The following DGKB variants were observed in gnomAD, a reference collection of about 807,000 sequenced individuals.
DGKB encodes the protein diacylglycerol kinase beta.
In DGKB, 67 loss-of-function variants were observed where a neutral mutation model predicts 114.3. That is an observed-to-expected ratio of 0.59 (90% CI 0.48 to 0.72). The LOEUF (loss-of-function observed/expected upper bound fraction) is 0.72, where lower values mean the gene tolerates loss of function less well. DGKB is among the 30% of genes least tolerant of loss of function. DGKB has a pLI of 0.00. For missense variants in DGKB, 907 were observed against 975.2 expected (o/e 0.93, Z 0.93); for synonymous variants, 398 against 323.1 (o/e 1.23, Z -2.49).
At chr7:14,445,589 T>A (rs900720801) in intron 21 of DGKB, among the ~76,000 whole-genome samples, 1 of 151,982 alleles carries the variant, frequency 6.6e-6, no homozygotes, top group African/African-American at 2.4e-5. Context: ...GTAAAATGCA[T>A]AATCTGAAGT....
intron 23 of DGKB, among the ~76,000 whole-genome samples, chr7:14,208,885 G>T (rs1440900669): frequency 3.4e-5 from 5 of 145,930 alleles, no homozygotes; most frequent in South Asian, 4.4e-4. Context: ...GAAATAGCTA[G>T]TTTTTTTTTT....
intron 13 of DGKB, among the ~76,000 whole-genome samples, chr7:14,635,460 TCTCTC>T (rs1008715802): frequency 6.6e-6 from 1 of 151,298 alleles, no homozygotes; most frequent in Non-Finnish European, 1.5e-5. Context: ...AACAAAATTC[TCTCTC>T]TGTTGTTTTC....
At position 14,435,818 on chromosome 7, in the gene DGKB, G is replaced by A. The variant is rs575929477; in HGVS notation, c.1835+42343C>T. 9.5e-4 allele frequency among the ~76,000 whole-genome samples: 144 copies of A among 152,148 alleles called. 1 individual carries two copies. Among genetic ancestry groups the A allele is most frequent in the African/African-American group, 3.2e-3 (133 of 41,532 alleles). ...TATTATAAATTATGTTAGAAAGCAAGTTTATTATTTACAAAACTATTTTTG... is the reference window on the plus strand; with the variant it reads ...TATTATAAATTATGTTAGAAAGCAAATTTATTATTTACAAAACTATTTTTG... On this transcript the variant is annotated intron_variant, in intron 21 of 25. Coordinates refer to ENST00000402815, the MANE Select transcript of DGKB (RefSeq NM_001350709.2).
At chr7:14,591,738 G>C (rs998735059) in intron 17 of DGKB, among the ~76,000 whole-genome samples, 9 of 152,022 alleles carry the variant, frequency 5.9e-5, no homozygotes, top group Non-Finnish European at 1.3e-4. Flanking sequence ...CAAAAGAGCA[G>C]GTGGTGAAAT....
intron 2 of DGKB, among the ~76,000 whole-genome samples, chr7:14,811,848 G>C (rs559360115): frequency 6.6e-6 from 1 of 152,044 alleles, no homozygotes; most frequent in Admixed American, 6.6e-5. Flanking sequence ...GTGATATTAA[G>C]TATATTCACA....
intron 12 of DGKB, among the ~76,000 whole-genome samples, chr7:14,681,434 AGTGT>A (rs1332815822): frequency 1.3e-5 from 2 of 150,658 alleles, no homozygotes; most frequent in East Asian, 1.9e-4. Context: ...TGTGTGTGTG[AGTGT>A]GTGTGTATGT....
rs190013972 is a variant in DGKB at position 14,752,662 on chromosome 7, T to C, written c.168+1266A>G. On this transcript the variant is annotated intron_variant, in intron 4 of 25. Coordinates refer to ENST00000402815, the MANE Select transcript of DGKB (RefSeq NM_001350709.2). ...AAGCCACTGCACATGAAACAAAGAC[T>C]GGGCAAGGAAAAGGAAGGAAGAAAC... 6.6e-5 allele frequency among the ~76,000 whole-genome samples: 10 copies of C among 152,242 alleles called. No individual in the cohort carries two copies. The East Asian group carries it at 1.7e-3, about 26-fold the overall frequency.
chr7:14,397,084 G>A (rs896304650), intron 21 of DGKB, among the ~76,000 whole-genome samples: 2 of 152,022 alleles, frequency 1.3e-5, no homozygotes, highest in African/African-American at 2.4e-5. Context: ...AAGAAATTGC[G>A]GGGCATGAAA....
chr7:14,880,348 C>T (rs1242511295), intron 1 of DGKB, among the ~76,000 whole-genome samples: 2 of 152,156 alleles, frequency 1.3e-5, no homozygotes, highest in African/African-American at 2.4e-5. Flanking sequence ...GTCCCAGCTA[C>T]TCGGGAGGCT....
intron 1 of DGKB, among the ~76,000 whole-genome samples, chr7:14,874,938 C>T (rs1480395923): frequency 6.6e-6 from 1 of 151,944 alleles, no homozygotes; most frequent in Non-Finnish European, 1.5e-5. Flanking sequence ...TTTTATTTTG[C>T]TAGCGTAACG....
chr7:14,249,670 G>T (rs1476588565), intron 23 of DGKB, among the ~76,000 whole-genome samples: 1 of 151,980 alleles, frequency 6.6e-6, no homozygotes, highest in African/African-American at 2.4e-5. Flanking sequence ...AATTTCTGTG[G>T]TAACAGTTGT....
intron 2 of DGKB, among the ~76,000 whole-genome samples, chr7:14,825,435 T>G (rs947041151): frequency 3.2e-4 from 49 of 152,106 alleles, no homozygotes; most frequent in Non-Finnish European, 6.5e-4. Context: ...ATGGTCCCAT[T>G]GGGGATGATG....
At chr7:14,387,729 A>G (rs1272143311) in intron 21 of DGKB, among the ~76,000 whole-genome samples, 1 of 152,084 alleles carries the variant, frequency 6.6e-6, no homozygotes, top group Non-Finnish European at 1.5e-5. Context: ...ATGTAAGTTT[A>G]GAGCTATAAA....
intron 13 of DGKB, among the ~76,000 whole-genome samples, chr7:14,655,172 A>C (rs1485862899): frequency 6.6e-6 from 1 of 151,942 alleles, no homozygotes; most frequent in Non-Finnish European, 1.5e-5. Flanking sequence ...CAAGGAACTC[A>C]AACAACTTAA....
chr7:14,762,040 T>C (rs1041915037), intron 2 of DGKB, among the ~76,000 whole-genome samples: 14 of 152,116 alleles, frequency 9.2e-5, no homozygotes, highest in Middle Eastern at 3.2e-3. Flanking sequence ...CAACAGTGAA[T>C]ACAAATTACT....
intron 20 of DGKB, among the ~76,000 whole-genome samples, chr7:14,495,989 G>T (rs892898775): frequency 4.0e-5 from 6 of 151,694 alleles, no homozygotes; most frequent in Non-Finnish European, 5.9e-5. Context: ...ATTATTGGAG[G>T]CTTCTTGTAG....
intron 5 of DGKB, among the ~76,000 whole-genome samples, chr7:14,733,494 C>T (rs1831211696): frequency 6.6e-6 from 1 of 152,052 alleles, no homozygotes; most frequent in Admixed American, 6.6e-5. Flanking sequence ...CGAGACCAGC[C>T]TGGTCAACAT....
intron 2 of DGKB, among the ~76,000 whole-genome samples, chr7:14,796,341 T>C (rs1841401196): frequency 6.6e-6 from 1 of 152,154 alleles, no homozygotes; most frequent in Admixed American, 6.6e-5. Flanking sequence ...ACCTCAATTG[T>C]TTCAGCTTAC....
chr7:14,202,215 AT>A (rs528555059), intron 23 of DGKB, among the ~76,000 whole-genome samples: 1 of 151,770 alleles, frequency 6.6e-6, no homozygotes, highest in Non-Finnish European at 1.5e-5. Flanking sequence ...TGTTAACTGG[AT>A]TTTTTTTCTG....
Sources: gnomAD v4.1 joint callset for allele counts (sites outside exome capture counted in the v4.1 genomes callset) on GRCh38, gnomAD v4.1.1 for gene constraint, MANE v1.5 for transcripts, NCBI Gene and HGNC (gene_info 2026-07-23, HGNC 2026-07-21) for gene names.